Variants in GLIS1 observed in about 807,000 individuals in gnomAD.
The protein encoded by GLIS1 is zinc finger protein GLIS1.
A neutral mutation model predicts 63.8 loss-of-function variants in GLIS1; 24 were observed. The ratio of observed to expected loss-of-function variants is 0.38; its 90% CI spans 0.27 to 0.53. The LOEUF (loss-of-function observed/expected upper bound fraction) is 0.53. GLIS1 is among the 20% of genes least tolerant of loss of function. The pLI is 0.85. For synonymous variants in GLIS1, 450 were observed against 482.5 expected (o/e 0.93, Z 0.88); for missense variants, 1,036 against 1,074.1 (o/e 0.96, Z 0.50).
chr1:53,635,043 G>A (rs555284194), intron 2 of GLIS1, among the ~76,000 whole-genome samples: 1 of 152,238 alleles, frequency 6.6e-6, no homozygotes, highest in African/African-American at 2.4e-5. Context: ...AGAGTCAACA[G>A]AGGTTGTCTC....
intron 2 of GLIS1, among the ~76,000 whole-genome samples, chr1:53,655,676 A>T (rs1645957848): frequency 6.6e-6 from 1 of 152,174 alleles, no homozygotes; most frequent in African/African-American, 2.4e-5. Flanking sequence ...TCGCTGCTCC[A>T]CACAGTGAAC....
intron 5 of GLIS1, among the ~76,000 whole-genome samples, chr1:53,525,924 G>A (rs983365651): frequency 6.6e-6 from 1 of 152,136 alleles, no homozygotes; most frequent in Non-Finnish European, 1.5e-5. Flanking sequence ...GCCAGGGAGC[G>A]ACTTGTCTGA....
chr1:53,714,489 A>T (rs1646677759), intron 2 of GLIS1, among the ~76,000 whole-genome samples: 1 of 152,234 alleles, frequency 6.6e-6, no homozygotes, highest in Admixed American at 6.5e-5. Context: ...CACAGAAGAG[A>T]AAACAGAGAT....
intron 2 of GLIS1, among the ~76,000 whole-genome samples, chr1:53,720,223 C>G (rs1646739968): frequency 6.6e-6 from 1 of 152,182 alleles, no homozygotes; most frequent in South Asian, 2.1e-4. Flanking sequence ...CATTACAGCA[C>G]TATTCCCAAT....
chr1:53,578,446 T>A (rs1451800219), intron 4 of GLIS1, among the ~76,000 whole-genome samples: 1 of 152,180 alleles, frequency 6.6e-6, no homozygotes, highest in African/African-American at 2.4e-5. Context: ...CTCTGTATCA[T>A]CACCTGTTAA....
chr1:53,514,780 A>G lies in GLIS1; in HGVS notation c.1728T>C (p.Gly576=), dbSNP rs780697560. ...GGGGGGTGATGGAGCCAGGATACAC[A>G]CCTGCAGGGAATCAAACAAGGCTCA... The part of the protein sequence containing the change: ...GCGLGQELLP[G]VYPGSITPHN... Residue 576 remains glycine, a splice_region_variant and synonymous_variant, in exon 8 of 11, where the codon GGT becomes GGC. Coordinates refer to ENST00000628545, the MANE Select transcript of GLIS1 (RefSeq NM_001367484.1). The G allele has an allele frequency of 6.3e-7, 1 of 1,581,628 alleles. No individual in the cohort carries two copies. The highest frequency in any genetic ancestry group is 8.6e-7 in the Non-Finnish European group (1 of 1,164,268).
At chr1:53,509,080 G>C in intron 10 of GLIS1, 40 bp downstream of exon 10, 1 of 1,513,672 alleles carries the variant, frequency 6.6e-7, no homozygotes, top group Non-Finnish European at 8.9e-7. Flanking sequence ...TTGAGCCTCG[G>C]CAGGTGCCCA....
At chr1:53,592,991 C>T (rs1193666725) in intron 4 of GLIS1, among the ~76,000 whole-genome samples, 5 of 152,264 alleles carry the variant, frequency 3.3e-5, no homozygotes, top group African/African-American at 7.2e-5. Context: ...CTTCCTGGCC[C>T]CTACAATGTC....
At chr1:53,534,706 A>C (rs1644565368) in intron 4 of GLIS1, among the ~76,000 whole-genome samples, 1 of 96,150 alleles carries the variant, frequency 1.0e-5, no homozygotes, top group South Asian at 3.7e-4. Context: ...CCATCCTTCC[A>C]CTCACGCACT....
chr1:53,730,398 T>A (rs1646848706), intron 2 of GLIS1, among the ~76,000 whole-genome samples: 1 of 152,192 alleles, frequency 6.6e-6, no homozygotes, highest in African/African-American at 2.4e-5. Context: ...AAGTAATTCA[T>A]ATAGTCCAGC....
At position 53,600,213 on chromosome 1, in the gene GLIS1, C is replaced by G; in HGVS notation, c.325G>C (p.Glu109Gln). ...EKSLLDLDLA[E>Q]GPGPTCCQGL... ...TGGCAGCAGGTGGGGCCAGGGCCCT[C>G]AGCAAGGTCCAGGTCCAGCAGGCTC... The change falls in exon 3 of 11, where the codon GAG becomes CAG. Residue 109 changes from glutamate (E) to glutamine (Q), a missense_variant. Coordinates refer to ENST00000628545, the MANE Select transcript of GLIS1 (RefSeq NM_001367484.1). 8.1e-7 allele frequency: 1 copy of G among 1,232,162 alleles called. No homozygotes were observed. 76.3% of individuals were successfully genotyped at this position (1,232,162 alleles called of 1,614,324 possible). A position where few individuals can be genotyped will look rare whatever the true frequency, so the allele number is the denominator to read the frequency against.
In GLIS1 at chr1:53,524,843, T is replaced by C. The variant is rs752626009; in HGVS notation, c.1527A>G (p.Thr509=). ...CGTGCTTGCGGAGGGAGCTGGGGTC[T>C]GTGTAGCGCTTGGAGCAGCCAGGGA... The part of the protein sequence containing the change: ...CQIPGCSKRY[T]DPSSLRKHVK... Residue 509 remains threonine, a synonymous_variant, in exon 6 of 11, where the codon ACA becomes ACG. Coordinates refer to ENST00000628545, the MANE Select transcript of GLIS1 (RefSeq NM_001367484.1). 3.5e-5 allele frequency: 56 copies of C among 1,612,468 alleles called. No homozygotes were observed. Among genetic ancestry groups the C allele is most frequent in the Non-Finnish European group, 1.3e-5 (15 of 1,179,256 alleles).
intron 4 of GLIS1, among the ~76,000 whole-genome samples, chr1:53,591,673 T>C (rs1043065590): frequency 1.3e-5 from 2 of 152,234 alleles, no homozygotes; most frequent in African/African-American, 4.8e-5. Context: ...CCCCACAGCA[T>C]TGTGTTGAGG....
chr1:53,672,463 A>C (rs747079869), intron 2 of GLIS1, among the ~76,000 whole-genome samples: 3 of 152,060 alleles, frequency 2.0e-5, no homozygotes, highest in Non-Finnish European at 4.4e-5. Flanking sequence ...AAGATCACCT[A>C]CTCTGTGAAG....
intron 2 of GLIS1, among the ~76,000 whole-genome samples, chr1:53,685,491 T>A (rs1017532067): frequency 6.6e-5 from 10 of 152,238 alleles, no homozygotes; most frequent in Admixed American, 1.3e-4. Flanking sequence ...CTGGCTTTGA[T>A]CTGCTGCATT....
rs1168473140 is a variant in GLIS1, at chr1:53,520,723, C to A, written c.1637G>T (p.Cys546Phe). The change falls in exon 7 of 11, where the codon TGT (cysteine) becomes TTT (phenylalanine). Residue 546 changes from cysteine to phenylalanine, a missense_variant. By Grantham distance (205) the Cys-to-Phe change is radical. Coordinates refer to ENST00000628545, the MANE Select transcript of GLIS1 (RefSeq NM_001367484.1). Reference sequence around the variant, plus strand: ...CGTGTGGAGCTGCTGCAGGACCAGACACTCGGTCAGGACGTCGGCCTCGGT... The same window carrying A: ...CGTGTGGAGCTGCTGCAGGACCAGAAACTCGGTCAGGACGTCGGCCTCGGT... ...PDTEADVLTECLVLQQLHTST... is the reference protein window; with the variant it reads ...PDTEADVLTEFLVLQQLHTST... 1 of 1,607,050 alleles carries A rather than the reference C, an allele frequency of 6.2e-7. No homozygotes were observed. Among genetic ancestry groups the A allele is most frequent in the Non-Finnish European group, 8.5e-7 (1 of 1,177,398 alleles).
intron 4 of GLIS1, among the ~76,000 whole-genome samples, chr1:53,538,711 C>T (rs1322827218): frequency 6.6e-6 from 1 of 152,130 alleles, no homozygotes; most frequent in Non-Finnish European, 1.5e-5. Flanking sequence ...GTGGGCCTGT[C>T]CTTGGGAGGA....
At chr1:53,731,381 T>C (rs915040211) in intron 2 of GLIS1, among the ~76,000 whole-genome samples, 1 of 152,166 alleles carries the variant, frequency 6.6e-6, no homozygotes, top group African/African-American at 2.4e-5. Context: ...AAAGGGGTGC[T>C]CTGGGATGTG....
intron 2 of GLIS1, among the ~76,000 whole-genome samples, chr1:53,604,943 CAT>C (rs142940070): frequency 6.4e-3 from 192 of 30,014 alleles, no homozygotes; most frequent in African/African-American, 8.7e-3. Flanking sequence ...TATATATATA[CAT>C]ATATATATAT....
Sources: allele counts gnomAD v4.1 joint callset (sites outside exome capture counted in the v4.1 genomes callset), GRCh38; gene constraint gnomAD v4.1.1; transcripts MANE v1.5; gene names NCBI Gene and HGNC (gene_info 2026-07-23, HGNC 2026-07-21).